Variants in PLEKHH2 observed in about 807,000 individuals in gnomAD.
The protein encoded by PLEKHH2 is pleckstrin homology domain-containing family H member 2.
Under a neutral mutation model 187.9 loss-of-function variants are expected in PLEKHH2, and 129 were observed. The observed-to-expected ratio is 0.69, with a 90% CI of 0.59 to 0.79. PLEKHH2 has a LOEUF of 0.79. Among genes scored for constraint, PLEKHH2 ranks in the 30% least tolerant of loss-of-function variants. The probability of loss-of-function intolerance (pLI) is 0.00; values close to 1 mark genes in which losing one functional copy is unlikely to be tolerated. For missense variants in PLEKHH2, 2,076 were observed against 1,751.2 expected (o/e 1.19, Z -3.31); for synonymous variants, 686 against 605.6 (o/e 1.13, Z -1.95).
intron 4 of PLEKHH2, 124 bp downstream of exon 4, chr2:43,692,787 A>T (rs1488815828): frequency 3.1e-5 from 32 of 1,042,304 alleles, no homozygotes; most frequent in Non-Finnish European, 7.0e-6. Context: ...CGGTCAACCC[A>T]TAGGATTGCA....
rs1268240968 is a variant in PLEKHH2, at chr2:43,675,827, A to G, written c.124-3036A>G. On this transcript the variant is annotated intron_variant, in intron 2 of 29. Coordinates refer to ENST00000282406, the MANE Select transcript of PLEKHH2 (RefSeq NM_172069.4). ...CCAAATATAACAGTGTGGCCCAGATAGAAGGGCTGGGATGCATCCCTTGTA... is the reference window on the plus strand; with the variant it reads ...CCAAATATAACAGTGTGGCCCAGATGGAAGGGCTGGGATGCATCCCTTGTA... 1 of 1,614,024 alleles carries G rather than the reference A, an allele frequency of 6.2e-7. No individual in the cohort carries two copies. Among genetic ancestry groups the G allele is most frequent in the Non-Finnish European group, 8.5e-7 (1 of 1,179,914 alleles).
intron 2 of PLEKHH2, among the ~76,000 whole-genome samples, chr2:43,654,167 C>T (rs1444722324): frequency 6.6e-6 from 1 of 151,902 alleles, no homozygotes; most frequent in Admixed American, 6.6e-5. Flanking sequence ...ATTAATAAAC[C>T]TTTTGGAAGT....
chr2:43,724,505 C>A (rs1055448217), intron 16 of PLEKHH2, among the ~76,000 whole-genome samples: 1 of 152,078 alleles, frequency 6.6e-6, no homozygotes, highest in Non-Finnish European at 1.5e-5. Context: ...TTCAACACAC[C>A]AGATATAGTT....
At chr2:43,675,800 C>G in intron 2 of PLEKHH2, 1 of 1,613,794 alleles carries the variant, frequency 6.2e-7, no homozygotes, top group Non-Finnish European at 8.5e-7. Context: ...TATTCGAGGT[C>G]TCCAAATATA....
chr2:43,680,108 C>T (rs908420675), intron 3 of PLEKHH2, among the ~76,000 whole-genome samples: 2 of 152,198 alleles, frequency 1.3e-5, no homozygotes, highest in African/African-American at 4.8e-5. Flanking sequence ...CATAGCTTCT[C>T]ATTTCATGAA....
intron 1 of PLEKHH2, among the ~76,000 whole-genome samples, chr2:43,641,842 T>C (rs1665948810): frequency 6.6e-6 from 1 of 152,364 alleles, no homozygotes; most frequent in Non-Finnish European, 1.5e-5. Flanking sequence ...TTTATCTATA[T>C]ATCTATCTTT....
chr2:43,738,456 T>G lies in PLEKHH2; in HGVS notation c.3059T>G (p.Ile1020Ser). ...CLTHPELQNE[I>S]CCQLIKQTRR... is the part of the protein sequence containing the mutation. ...ACACATCCTGAGCTGCAGAATGAAA[T>G]TTGCTGTCAGCTTATTAAACAGACA... is the stretch of plus-strand genomic sequence containing the variant. Residue 1020 changes from isoleucine (I) to serine (S), a missense_variant, in exon 20 of 30, where the codon ATT becomes AGT. Transcript: ENST00000282406. 1 of 1,613,910 alleles carries G rather than the reference T, an allele frequency of 6.2e-7. No homozygotes were observed. The highest frequency in any genetic ancestry group is 1.1e-5 in the South Asian group (1 of 91,046).
At chr2:43,747,144 C>T (rs373791579) in intron 24 of PLEKHH2, among the ~76,000 whole-genome samples, 30 of 150,622 alleles carry the variant, frequency 2.0e-4, no homozygotes, top group African/African-American at 6.8e-4. Context: ...CGGTGTTCAC[C>T]GAGCTTCAAC....
intron 7 of PLEKHH2, among the ~76,000 whole-genome samples, 195 bp downstream of exon 7, chr2:43,697,551 A>C (rs898518537): frequency 1.3e-5 from 2 of 152,196 alleles, no homozygotes; most frequent in African/African-American, 4.8e-5. Context: ...GAGCCTTTGC[A>C]TAGGAGAAAC....
chr2:43,645,706 CACTTCTTTTT>C (rs1666150163), intron 2 of PLEKHH2, among the ~76,000 whole-genome samples: 1 of 152,096 alleles, frequency 6.6e-6, no homozygotes, highest in South Asian at 2.1e-4. Context: ...TAATTTTACC[CACTTCTTTTT>C]ACTTTTTAAA....
intron 24 of PLEKHH2, 132 bp downstream of exon 24, chr2:43,746,095 C>G (rs1470861215): frequency 1.9e-6 from 1 of 530,392 alleles, no homozygotes. Flanking sequence ...TAAATGATAA[C>G]TCTGTTTCTA....
intron 15 of PLEKHH2, among the ~76,000 whole-genome samples, chr2:43,717,988 G>T (rs982682294): frequency 2.0e-5 from 3 of 152,220 alleles, no homozygotes. Flanking sequence ...AATGCTACAG[G>T]GATGGGCTTA....
rs374217822 is a variant in PLEKHH2, at chr2:43,675,725, C to A, written c.124-3138C>A. ...TGATCTGCACAGGTCTCAGAGTTATCGAGAAGTCTGTTAAGTCTTTTCATC... is the reference window on the plus strand; with the variant it reads ...TGATCTGCACAGGTCTCAGAGTTATAGAGAAGTCTGTTAAGTCTTTTCATC... On this transcript the variant is annotated intron_variant, in intron 2 of 29. Coordinates refer to ENST00000282406, the MANE Select transcript of PLEKHH2 (RefSeq NM_172069.4). 7 of 1,613,856 alleles carry A rather than the reference C, an allele frequency of 4.3e-6. No individual in the cohort carries two copies. The Middle Eastern group carries it at 6.6e-4, about 152-fold the overall frequency.
At chr2:43,741,177 G>A (rs12469045) in intron 21 of PLEKHH2, 134 bp downstream of exon 21, 17,384 of 696,224 alleles carry the variant, frequency 0.025, 397 homozygotes, top group African/African-American at 0.093. Context: ...GGAAGCCTTT[G>A]GTTATCATTG....
chr2:43,764,013 C>T (rs534297229), intron 28 of PLEKHH2, among the ~76,000 whole-genome samples: 3 of 151,994 alleles, frequency 2.0e-5, no homozygotes, highest in South Asian at 2.1e-4. Flanking sequence ...TGACTTGTTT[C>T]GGACTCAACA....
At chr2:43,708,918 T>C (rs1379349616) in intron 11 of PLEKHH2, among the ~76,000 whole-genome samples, 1 of 152,232 alleles carries the variant, frequency 6.6e-6, no homozygotes, top group Non-Finnish European at 1.5e-5. Flanking sequence ...CTGAGTCAAA[T>C]AAAAAGCAGT....
intron 21 of PLEKHH2, 29 bp from the exon 22 acceptor site, chr2:43,742,712 T>G: frequency 6.9e-7 from 1 of 1,455,646 alleles, no homozygotes; most frequent in Non-Finnish European, 9.2e-7. Context: ...AATTTATTCT[T>G]AGATTTTATC....
chr2:43,716,630 A>T (rs1483083494), intron 15 of PLEKHH2, among the ~76,000 whole-genome samples: 2 of 152,214 alleles, frequency 1.3e-5, no homozygotes, highest in Non-Finnish European at 2.9e-5. Context: ...TTTTTCTAAC[A>T]GTTTATTATA....
At chr2:43,670,257 C>T (rs1021493378) in intron 2 of PLEKHH2, among the ~76,000 whole-genome samples, 1 of 152,134 alleles carries the variant, frequency 6.6e-6, no homozygotes. Flanking sequence ...AAGGAAAGCA[C>T]ATATGATCCA....
Sources: allele counts gnomAD v4.1 joint callset (sites outside exome capture counted in the v4.1 genomes callset), GRCh38; gene constraint gnomAD v4.1.1; transcripts MANE v1.5; gene names NCBI Gene and HGNC (gene_info 2026-07-23, HGNC 2026-07-21).